The following MACROD2 variants were observed in gnomAD, a reference collection of about 807,000 sequenced individuals.
The protein encoded by MACROD2 is ADP-ribose glycohydrolase MACROD2.
In MACROD2, 36 loss-of-function variants were observed where a neutral mutation model predicts 70.4. The observed-to-expected ratio is 0.51, with a 90% CI of 0.39 to 0.68. The LOEUF (loss-of-function observed/expected upper bound fraction) is 0.68, where lower values mean the gene tolerates loss of function less well. Among genes scored for constraint, MACROD2 ranks in the 30% least tolerant of loss-of-function variants. MACROD2 has a pLI of 0.00. For synonymous variants in MACROD2, 172 were observed against 178.8 expected (o/e 0.96, Z 0.30); for missense variants, 496 against 538.4 (o/e 0.92, Z 0.78).
intron 3 of MACROD2, among the ~76,000 whole-genome samples, chr20:14,173,245 G>C (rs1286038180): frequency 1.3e-5 from 2 of 152,136 alleles, no homozygotes; most frequent in Non-Finnish European, 2.9e-5. Context: ...CAAACTTTTA[G>C]ATTTCTTTTC....
At position 15,494,756 on chromosome 20, in the gene MACROD2, TGTGTGTGCGC is replaced by T. The variant is rs1304739265; in HGVS notation, c.572-5010_572-5001del. On this transcript the variant is annotated intron_variant, in intron 7 of 17. Transcript: ENST00000684519. ...AATGGGGTGTGTGTGTGTGTGTGTG[TGTGTGTGCGC>T]GTGTGTGTGTGCGCGCGTGTGTGCA... 2.8e-3 allele frequency among the ~76,000 whole-genome samples: 236 copies of T among 85,772 alleles called. 1 individual carries two copies. In the East Asian group the frequency reaches 0.034, roughly 12 times the overall value. 56.3% of individuals were successfully genotyped at this position (85,772 alleles called of 152,430 possible).
chr20:15,937,584 TA>T, intron 12 of MACROD2, 40 bp downstream of exon 12: 1 of 1,570,156 alleles, frequency 6.4e-7, no homozygotes, highest in South Asian at 1.1e-5. Flanking sequence ...TGCAGACTCT[TA>T]AAAGAGACTG....
intron 6 of MACROD2, among the ~76,000 whole-genome samples, chr20:15,282,472 AT>A (rs2077454502): frequency 6.6e-6 from 1 of 152,196 alleles, no homozygotes; most frequent in East Asian, 1.9e-4. Context: ...CATATCTTCA[AT>A]GCTTTGTTGG....
At chr20:15,492,825 A>G (rs2047248986) in intron 7 of MACROD2, among the ~76,000 whole-genome samples, 1 of 152,196 alleles carries the variant, frequency 6.6e-6, no homozygotes, top group East Asian at 1.9e-4. Context: ...TGTGAATTTC[A>G]TGTGCAGAGT....
At chr20:15,697,207 C>G (rs1010481500) in intron 8 of MACROD2, among the ~76,000 whole-genome samples, 1 of 152,096 alleles carries the variant, frequency 6.6e-6, no homozygotes, top group African/African-American at 2.4e-5. Context: ...GAACTTTCCT[C>G]TTAGCACTCC....
intron 6 of MACROD2, among the ~76,000 whole-genome samples, chr20:15,335,753 G>T (rs1167840251): frequency 6.6e-6 from 1 of 151,316 alleles, no homozygotes; most frequent in Non-Finnish European, 1.5e-5. Context: ...ACACACACAC[G>T]CACAGACACA....
chr20:16,002,836 C>T (rs1181238157), intron 15 of MACROD2, among the ~76,000 whole-genome samples: 5 of 152,138 alleles, frequency 3.3e-5, no homozygotes, highest in Non-Finnish European at 5.9e-5. Flanking sequence ...TCTAGTATTT[C>T]GCATCCAAAT....
At chr20:15,893,726 AC>A (rs1162659857) in intron 10 of MACROD2, 1 of 456,732 alleles carries the variant, frequency 2.2e-6, no homozygotes, top group Admixed American at 2.3e-5. Flanking sequence ...GAGCATATTT[AC>A]GCTTTGTCTT....
At chr20:15,661,066 T>C (rs1161227873) in intron 8 of MACROD2, among the ~76,000 whole-genome samples, 1 of 152,192 alleles carries the variant, frequency 6.6e-6, no homozygotes, top group East Asian at 1.9e-4. Flanking sequence ...TTGTGAGACC[T>C]CACTGTTTTC....
At chr20:14,507,548 A>G (rs965524960) in intron 4 of MACROD2, among the ~76,000 whole-genome samples, 3 of 152,222 alleles carry the variant, frequency 2.0e-5, no homozygotes, top group Non-Finnish European at 4.4e-5. Flanking sequence ...ATATATATAC[A>G]TATTTACCAC....
intron 7 of MACROD2, among the ~76,000 whole-genome samples, chr20:15,455,920 G>A (rs2046718734): frequency 6.6e-6 from 1 of 152,052 alleles, no homozygotes; most frequent in South Asian, 2.1e-4. Context: ...ATAAAAATGA[G>A]CTTTCTCCTT....
chr20:14,134,095 G>A (rs1005581329), intron 3 of MACROD2, among the ~76,000 whole-genome samples: 9 of 152,104 alleles, frequency 5.9e-5, no homozygotes, highest in Admixed American at 2.6e-4. Flanking sequence ...CTTTTCATAG[G>A]TTTGATCCCA....
At chr20:15,862,871 G>A (rs760680815) in intron 9 of MACROD2, 45 bp downstream of exon 9, 3 of 1,432,702 alleles carry the variant, frequency 2.1e-6, no homozygotes, top group Admixed American at 1.8e-5. Context: ...GAGGATGGAA[G>A]AAGTGGAGCC....
chr20:15,142,918 C>A (rs1430181180), intron 5 of MACROD2, among the ~76,000 whole-genome samples: 81 of 152,034 alleles, frequency 5.3e-4, no homozygotes, highest in Non-Finnish European at 5.0e-4. Flanking sequence ...TCATTGATGG[C>A]CATTTGGGTT....
intron 5 of MACROD2, among the ~76,000 whole-genome samples, chr20:15,092,730 A>G (rs546638931): frequency 6.6e-6 from 1 of 152,260 alleles, no homozygotes; most frequent in African/African-American, 2.4e-5. Context: ...ATAACCCTAC[A>G]ACATTAGTTT....
chr20:14,909,629 G>A (rs1261146918), intron 5 of MACROD2, among the ~76,000 whole-genome samples: 1 of 151,836 alleles, frequency 6.6e-6, no homozygotes, highest in Non-Finnish European at 1.5e-5. Flanking sequence ...AAGGAGTTGG[G>A]GCTGGAAACT....
chr20:14,238,539 A>G (rs1212626511), intron 3 of MACROD2, among the ~76,000 whole-genome samples: 2 of 152,308 alleles, frequency 1.3e-5, no homozygotes, highest in South Asian at 2.1e-4. Context: ...TCAACATAGT[A>G]TTGGAAGTCC....
intron 3 of MACROD2, among the ~76,000 whole-genome samples, chr20:14,144,550 T>A (rs1010886298): frequency 6.6e-6 from 1 of 152,178 alleles, no homozygotes; most frequent in African/African-American, 2.4e-5. Flanking sequence ...ATATTGGCCA[T>A]AGGAAGGTAT....
chr20:14,323,983 A>C (rs2082695764), intron 3 of MACROD2: 1 of 152,160 alleles, frequency 6.6e-6, no homozygotes, highest in Non-Finnish European at 1.5e-5. Flanking sequence ...AATGATACAC[A>C]ACCTCAAGAT....
Sources: allele counts gnomAD v4.1 joint callset (sites outside exome capture counted in the v4.1 genomes callset), GRCh38; gene constraint gnomAD v4.1.1; transcripts MANE v1.5; gene names NCBI Gene and HGNC (gene_info 2026-07-23, HGNC 2026-07-21).